Variants in CNTLN observed in about 807,000 individuals in gnomAD.
The protein encoded by CNTLN is centlein, also known as centlein, centrosomal protein.
In CNTLN, 212 loss-of-function variants were observed where a neutral mutation model predicts 180.0. That is an observed-to-expected ratio of 1.18 (90% CI 1.05 to 1.32). The LOEUF is 1.32. Ranked by LOEUF, CNTLN falls within the 40% of genes most tolerant of loss-of-function variation. The probability of loss-of-function intolerance (pLI) is 0.00; values close to 1 mark genes in which losing one functional copy is unlikely to be tolerated. For missense variants in CNTLN, 2,095 were observed against 1,610.9 expected (o/e 1.30, Z -5.14); for synonymous variants, 722 against 563.1 (o/e 1.28, Z -3.99).
intron 5 of CNTLN, among the ~76,000 whole-genome samples, chr9:17,264,197 A>G (rs1193118474): frequency 7.0e-6 from 1 of 143,802 alleles, no homozygotes; most frequent in Non-Finnish European, 1.5e-5. Context: ...TAAGTCTTTA[A>G]TCCATCTTGA....
At chr9:17,441,675 C>A (rs1012639739) in intron 18 of CNTLN, among the ~76,000 whole-genome samples, 2 of 149,146 alleles carry the variant, frequency 1.3e-5, no homozygotes, top group South Asian at 2.1e-4. Flanking sequence ...AGACAGAAAA[C>A]AAGGTAGCAA....
rs112327248 is a variant in CNTLN at position 17,380,727 on chromosome 9, G to A, written c.1988-7435G>A. ...TTTCTTACCATGTTCGTCATTGAAA[G>A]TTGAGGGCTTGTGTATCAGACAATG... On this transcript the variant is annotated intron_variant, in intron 13 of 25. Coordinates refer to ENST00000380647, the MANE Select transcript of CNTLN (RefSeq NM_017738.4). Among the ~76,000 whole-genome samples the A allele has an allele frequency of 5.0e-4, 76 of 152,326 alleles. 2 individuals carry two copies. Among genetic ancestry groups the A allele is most frequent in the African/African-American group, 1.7e-3 (72 of 41,584 alleles).
chr9:17,498,888 C>A (rs2134408241), intron 25 of CNTLN, among the ~76,000 whole-genome samples: 1 of 152,194 alleles, frequency 6.6e-6, no homozygotes, highest in East Asian at 1.9e-4. Context: ...ACTCTAAAAT[C>A]CTATTAGTAA....
At chr9:17,194,816 G>T (rs568260128) in intron 2 of CNTLN, among the ~76,000 whole-genome samples, 39 of 152,172 alleles carry the variant, frequency 2.6e-4, no homozygotes, top group Non-Finnish European at 4.6e-4. Context: ...GGAAGAAAAA[G>T]AAGTTTAATT....
chr9:17,477,425 T>C (rs750293824), intron 23 of CNTLN, among the ~76,000 whole-genome samples: 18 of 152,196 alleles, frequency 1.2e-4, no homozygotes, highest in Non-Finnish European at 2.4e-4. Flanking sequence ...ATTCCTCTGA[T>C]GGAGCTGGCC....
chr9:17,290,533 C>T (rs975636541), intron 6 of CNTLN, among the ~76,000 whole-genome samples: 9 of 143,412 alleles, frequency 6.3e-5, no homozygotes, highest in South Asian at 5.1e-4. Flanking sequence ...GTGGTGGGCT[C>T]CACCCAGTTC....
At chr9:17,325,319 A>C (rs1820195407) in intron 8 of CNTLN, among the ~76,000 whole-genome samples, 1 of 151,266 alleles carries the variant, frequency 6.6e-6, no homozygotes, top group Non-Finnish European at 1.5e-5. Flanking sequence ...TTTAAATATA[A>C]AGTTAATCTC....
chr9:17,434,440 C>T (rs377039775), intron 18 of CNTLN, among the ~76,000 whole-genome samples: 1 of 152,016 alleles, frequency 6.6e-6, no homozygotes, highest in South Asian at 2.1e-4. Flanking sequence ...TCATTACGTT[C>T]TTGCTTTTTA....
At chr9:17,509,612 C>A in the CNTLN span, among the ~76,000 whole-genome samples, 1 of 152,112 alleles carries the variant, frequency 6.6e-6, no homozygotes, top group Admixed American at 6.5e-5. Context: ...GGAAGTAAAA[C>A]TTTGCAAGGT....
intron 23 of CNTLN, among the ~76,000 whole-genome samples, chr9:17,472,991 T>G (rs535433047): frequency 6.6e-6 from 1 of 152,170 alleles, no homozygotes; most frequent in Non-Finnish European, 1.5e-5. Context: ...ATCGTCACTT[T>G]CTTGCATATA....
chr9:17,148,665 C>A (rs1213515860), intron 2 of CNTLN, among the ~76,000 whole-genome samples: 1 of 151,998 alleles, frequency 6.6e-6, no homozygotes, highest in African/African-American at 2.4e-5. Flanking sequence ...CTAAATAAAC[C>A]GTGAAAAGGA....
At chr9:17,365,422 G>C (rs1230182322) in intron 12 of CNTLN, among the ~76,000 whole-genome samples, 3 of 152,132 alleles carry the variant, frequency 2.0e-5, no homozygotes, top group Non-Finnish European at 4.4e-5. Flanking sequence ...CGTAGTCTCA[G>C]GAGGTTTTTT....
chr9:17,430,363 C>T (rs996650012), intron 18 of CNTLN, among the ~76,000 whole-genome samples: 4 of 151,926 alleles, frequency 2.6e-5, no homozygotes, highest in Admixed American at 6.6e-5. Flanking sequence ...TTAAATCATA[C>T]TATTTGAAAA....
intron 8 of CNTLN, among the ~76,000 whole-genome samples, chr9:17,313,394 T>C (rs1013621980): frequency 4.6e-5 from 7 of 151,292 alleles, no homozygotes; most frequent in Non-Finnish European, 8.8e-5. Context: ...TTTTTCTTCC[T>C]TCCTTTTGGA....
At chr9:17,211,347 T>A (rs1364960698) in intron 2 of CNTLN, among the ~76,000 whole-genome samples, 2 of 152,176 alleles carry the variant, frequency 1.3e-5, no homozygotes, top group African/African-American at 2.4e-5. Context: ...GTCAGGTTTG[T>A]CAAAGATCAG....
chr9:17,205,951 A>T (rs1822890184), intron 2 of CNTLN, among the ~76,000 whole-genome samples: 1 of 152,184 alleles, frequency 6.6e-6, no homozygotes, highest in African/African-American at 2.4e-5. Context: ...AATGAGAGGC[A>T]TTATAATGTA....
chr9:17,144,657 CAT>C (rs1301909439), intron 2 of CNTLN, among the ~76,000 whole-genome samples: 2 of 151,368 alleles, frequency 1.3e-5, no homozygotes, highest in Non-Finnish European at 2.9e-5. Flanking sequence ...ATTCATATAA[CAT>C]AAAATTTATA....
intron 18 of CNTLN, chr9:17,444,266 G>A (rs1394666604): frequency 1.3e-5 from 2 of 152,166 alleles, no homozygotes; most frequent in African/African-American, 4.8e-5. Context: ...CATTCTTATA[G>A]CTCTACCTCA....
intron 18 of CNTLN, among the ~76,000 whole-genome samples, chr9:17,434,613 G>A (rs983270930): frequency 9.9e-5 from 15 of 151,972 alleles, no homozygotes; most frequent in African/African-American, 2.9e-4. Context: ...ATTTGTTGAC[G>A]TTGGTTTTAT....
Sources: gnomAD v4.1 joint callset for allele counts (sites outside exome capture counted in the v4.1 genomes callset) on GRCh38, gnomAD v4.1.1 for gene constraint, MANE v1.5 for transcripts, NCBI Gene and HGNC (gene_info 2026-07-23, HGNC 2026-07-21) for gene names.